SLC24A2: variants seen among roughly 807,000 people sequenced by gnomAD.
The protein encoded by SLC24A2 is solute carrier family 24 member 2, also known as sodium/potassium/calcium exchanger 2.
A neutral mutation model predicts 62.0 loss-of-function variants in SLC24A2; 36 were observed. The observed-to-expected ratio is 0.58, with a 90% CI of 0.44 to 0.77. The LOEUF is 0.77. Among genes scored for constraint, SLC24A2 ranks in the 30% least tolerant of loss-of-function variants. The probability of loss-of-function intolerance (pLI) is 0.00; values close to 1 mark genes in which losing one functional copy is unlikely to be tolerated. For synonymous variants in SLC24A2, 358 were observed against 294.0 expected (o/e 1.22, Z -2.23); for missense variants, 846 against 817.9 (o/e 1.03, Z -0.42).
the SLC24A2 span, among the ~76,000 whole-genome samples, chr9:20,044,674 G>A: frequency 0.032 from 4,854 of 152,234 alleles, 235 homozygotes; most frequent in African/African-American, 0.1. Flanking sequence ...GAAAACTGAT[G>A]TGGAGCTATA....
chr9:20,306,225 CTT>C, the SLC24A2 span, among the ~76,000 whole-genome samples: 2 of 152,194 alleles, frequency 1.3e-5, no homozygotes, highest in Non-Finnish European at 1.5e-5. Flanking sequence ...CAGAATGATT[CTT>C]TAACTCCTTT....
chr9:19,936,809 A>G, the SLC24A2 span, among the ~76,000 whole-genome samples: 1 of 152,278 alleles, frequency 6.6e-6, no homozygotes, highest in Admixed American at 6.5e-5. Flanking sequence ...ATAAATGGGG[A>G]AAAAGAGGTT....
Position 19,788,125 on chromosome 9 carries a change from C to T in SLC24A2, c.-154+760G>A, listed in dbSNP as rs144151945. 2.8e-3 allele frequency among the ~76,000 whole-genome samples: 433 copies of T among 152,316 alleles called. 1 individual carries two copies. Among genetic ancestry groups the T allele is most frequent in the African/African-American group, 1.0e-2 (415 of 41,556 alleles). Reference sequence around the variant, plus strand: ...AAATAAGCTAATTAAACACACGCCACTTAAATACTGAGATTAGCTGGAGCT... The same window carrying T: ...AAATAAGCTAATTAAACACACGCCATTTAAATACTGAGATTAGCTGGAGCT... On this transcript the variant is annotated intron_variant, in intron 1 of 10. Coordinates refer to ENST00000341998, the MANE Select transcript of SLC24A2 (RefSeq NM_020344.4).
At chr9:19,559,581 G>A (rs552852576) in intron 7 of SLC24A2, among the ~76,000 whole-genome samples, 88 of 152,226 alleles carry the variant, frequency 5.8e-4, no homozygotes, top group African/African-American at 2.0e-3. Flanking sequence ...AACTCTTGAA[G>A]GTAAAATTAC....
intron 3 of SLC24A2, among the ~76,000 whole-genome samples, chr9:19,621,115 TC>T (rs778431084): frequency 8.5e-5 from 13 of 152,246 alleles, no homozygotes; most frequent in Non-Finnish European, 1.5e-4. Context: ...CAAACTATTA[TC>T]CATAGGATCT....
At chr9:20,009,625 C>T in the SLC24A2 span, among the ~76,000 whole-genome samples, 1 of 152,158 alleles carries the variant, frequency 6.6e-6, no homozygotes, top group African/African-American at 2.4e-5. Context: ...CGAGAGGCAA[C>T]TGTAGGTCAG....
chr9:19,756,463 G>A (rs551456661), intron 2 of SLC24A2, among the ~76,000 whole-genome samples: 1 of 152,266 alleles, frequency 6.6e-6, no homozygotes, highest in East Asian at 1.9e-4. Flanking sequence ...TTTATATAAT[G>A]CTGTTATCAT....
intron 1 of SLC24A2, among the ~76,000 whole-genome samples, chr9:19,787,675 G>A (rs1823215489): frequency 6.7e-6 from 1 of 149,892 alleles, no homozygotes; most frequent in South Asian, 2.1e-4. Flanking sequence ...AAATTCTGGT[G>A]ACATGCACAA....
intron 8 of SLC24A2, among the ~76,000 whole-genome samples, chr9:19,542,863 T>G (rs1286737497): frequency 6.6e-6 from 1 of 152,220 alleles, no homozygotes; most frequent in African/African-American, 2.4e-5. Context: ...GATTTTCGCA[T>G]CGATGTTCAT....
rs150114559 is a variant in SLC24A2, at chr9:19,723,929, T to G, written c.930+62008A>C. Among the ~76,000 whole-genome samples the G allele has an allele frequency of 7.8e-4, 118 of 152,250 alleles. 2 individuals carry two copies. Among genetic ancestry groups the G allele is most frequent in the Non-Finnish European group, 1.8e-4 (12 of 67,994 alleles). The stretch of plus-strand genomic sequence containing the variant: ...GTATGTCTCTGTTGATGTGAGCATT[T>G]TGCCATACTATTTTTTATTAAAATT... On this transcript the variant is annotated intron_variant, in intron 2 of 10. Transcript: ENST00000341998.
chr9:19,681,067 C>T (rs1458378352), intron 2 of SLC24A2, among the ~76,000 whole-genome samples: 30 of 152,110 alleles, frequency 2.0e-4, no homozygotes, highest in Admixed American at 2.0e-3. Context: ...TTCTCCTCCA[C>T]TGAAAGCCTT....
chr9:19,698,472 A>C (rs900787963), intron 2 of SLC24A2, among the ~76,000 whole-genome samples: 4 of 152,192 alleles, frequency 2.6e-5, no homozygotes, highest in Non-Finnish European at 5.9e-5. Flanking sequence ...AGGGACCGTC[A>C]ATCTGTATAG....
chr9:19,544,196 T>G (rs1257126349), intron 8 of SLC24A2, among the ~76,000 whole-genome samples: 4 of 152,042 alleles, frequency 2.6e-5, no homozygotes, highest in Non-Finnish European at 5.9e-5. Context: ...GCCTTCTTTC[T>G]CTTTTGATCT....
chr9:20,055,811 C>T, the SLC24A2 span, among the ~76,000 whole-genome samples: 2 of 152,096 alleles, frequency 1.3e-5, no homozygotes, highest in African/African-American at 4.8e-5. Flanking sequence ...ATCGCTTGAA[C>T]CCAGGATGCG....
At chr9:19,820,029 A>G in the SLC24A2 span, among the ~76,000 whole-genome samples, 1 of 24,798 alleles carries the variant, frequency 4.0e-5, no homozygotes, top group Non-Finnish European at 1.6e-4. Flanking sequence ...ATATATACAC[A>G]TATATATATA....
chr9:19,826,881 A>G, the SLC24A2 span, among the ~76,000 whole-genome samples: 1 of 152,164 alleles, frequency 6.6e-6, no homozygotes, highest in East Asian at 1.9e-4. Flanking sequence ...TGTGGTCTCC[A>G]GTGAATCTCC....
chr9:19,940,305 C>A, the SLC24A2 span, among the ~76,000 whole-genome samples: 2 of 152,206 alleles, frequency 1.3e-5, no homozygotes, highest in African/African-American at 4.8e-5. Context: ...TCCATATAAG[C>A]CTTGCCACAT....
chr9:20,034,144 C>G, the SLC24A2 span, among the ~76,000 whole-genome samples: 1 of 152,064 alleles, frequency 6.6e-6, no homozygotes, highest in Admixed American at 6.5e-5. Context: ...ACTGTCAGCT[C>G]TCACTGGCTA....
chr9:19,776,305 G>A (rs181025523), intron 2 of SLC24A2, among the ~76,000 whole-genome samples: 14 of 152,272 alleles, frequency 9.2e-5, no homozygotes, highest in East Asian at 5.8e-4. Context: ...AAGTTCAAAC[G>A]CCATTTAAAT....
Sources: allele counts gnomAD v4.1 joint callset (sites outside exome capture counted in the v4.1 genomes callset), GRCh38; gene constraint gnomAD v4.1.1; transcripts MANE v1.5; gene names NCBI Gene and HGNC (gene_info 2026-07-23, HGNC 2026-07-21).